The following TBC1D22A variants were observed in gnomAD, a reference collection of about 807,000 sequenced individuals.
TBC1D22A encodes TBC1 domain family member 22A.
TBC1D22A carries 38 observed loss-of-function variants against 60.2 expected under a neutral mutation model. The ratio of observed to expected loss-of-function variants is 0.63; its 90% CI spans 0.49 to 0.83. The LOEUF (loss-of-function observed/expected upper bound fraction) is 0.83, where lower values mean the gene tolerates loss of function less well. TBC1D22A is among the 40% of genes least tolerant of loss of function. The pLI is 0.00. For synonymous variants in TBC1D22A, 302 were observed against 281.7 expected, an observed-to-expected ratio of 1.07 and a Z score of -0.72; for missense variants, 628 against 701.0, an observed-to-expected ratio of 0.90 and a Z score of 1.18.
At chr22:47,103,228 G>A (rs56665606) in intron 11 of TBC1D22A, among the ~76,000 whole-genome samples, 1 of 152,156 alleles carries the variant, frequency 6.6e-6, no homozygotes, top group Admixed American at 6.5e-5. Context: ...GCTGGGATTA[G>A]AATGAAGAAG....
chr22:46,945,348 C>T (rs975263730), intron 8 of TBC1D22A, among the ~76,000 whole-genome samples: 7 of 152,166 alleles, frequency 4.6e-5, no homozygotes, highest in Middle Eastern at 3.2e-3. Flanking sequence ...GCCTGTTTGA[C>T]CGTTGTGGTG....
At chr22:46,911,566 C>T (rs1348036195) in intron 7 of TBC1D22A, among the ~76,000 whole-genome samples, 1 of 152,176 alleles carries the variant, frequency 6.6e-6, no homozygotes, top group African/African-American at 2.4e-5. Context: ...CCAGGGGCTG[C>T]TGAAGTGCTG....
chr22:46,812,976 G>A (rs1209823198), intron 4 of TBC1D22A, among the ~76,000 whole-genome samples: 1 of 151,986 alleles, frequency 6.6e-6, no homozygotes, highest in Non-Finnish European at 1.5e-5. Flanking sequence ...TGTCGTGTCC[G>A]GAGCTGTCCG....
chr22:46,973,154 G>C (rs1198770163), intron 8 of TBC1D22A, among the ~76,000 whole-genome samples: 1 of 152,232 alleles, frequency 6.6e-6, no homozygotes, highest in Non-Finnish European at 1.5e-5. Flanking sequence ...AGCGCGATGG[G>C]ATAGGACTGT....
At chr22:47,029,208 C>T (rs796713681) in intron 10 of TBC1D22A, among the ~76,000 whole-genome samples, 34 of 139,572 alleles carry the variant, frequency 2.4e-4, no homozygotes, top group African/African-American at 8.4e-4. Flanking sequence ...GGGGACACAG[C>T]GCTTCCATAC....
At chr22:46,911,386 A>T (rs575445254) in intron 7 of TBC1D22A, among the ~76,000 whole-genome samples, 1 of 152,144 alleles carries the variant, frequency 6.6e-6, no homozygotes, top group Non-Finnish European at 1.5e-5. Context: ...AATTTAGAGC[A>T]TCCACCCACC....
At chr22:47,105,815 C>A (rs2065614360) in intron 11 of TBC1D22A, among the ~76,000 whole-genome samples, 1 of 151,862 alleles carries the variant, frequency 6.6e-6, no homozygotes, top group South Asian at 2.1e-4. Flanking sequence ...TTCTAAGGAG[C>A]ATAATGACAG....
At chr22:47,164,636 A>G (rs1477475118) in intron 12 of TBC1D22A, among the ~76,000 whole-genome samples, 1 of 152,222 alleles carries the variant, frequency 6.6e-6, no homozygotes. Flanking sequence ...TTCCCAGCCC[A>G]AATGGAGACA....
At position 46,821,716 on chromosome 22, in the gene TBC1D22A, C is replaced by T. The variant is rs189017308; in HGVS notation, c.637+24096C>T. On this transcript the variant is annotated intron_variant, in intron 4 of 12. Transcript: ENST00000337137. ...GAGAATTTGATGATTATGTGTCTTGCGGTTGATCTTCTTGTGGAGTATCTT... is the reference window on the plus strand; with the variant it reads ...GAGAATTTGATGATTATGTGTCTTGTGGTTGATCTTCTTGTGGAGTATCTT... Among the ~76,000 whole-genome samples the T allele has an allele frequency of 8.5e-4, 129 of 152,112 alleles. 1 individual carries two copies. The highest frequency in any genetic ancestry group is 1.5e-3 in the Non-Finnish European group (103 of 67,996).
intron 12 of TBC1D22A, among the ~76,000 whole-genome samples, chr22:47,118,513 A>G (rs966003574): frequency 1.3e-5 from 2 of 152,264 alleles, no homozygotes; most frequent in Non-Finnish European, 2.9e-5. Context: ...CAAAGATGCA[A>G]TGCTTTTATT....
intron 7 of TBC1D22A, among the ~76,000 whole-genome samples, chr22:46,898,532 C>T (rs1602370980): frequency 1.3e-5 from 1 of 76,154 alleles, no homozygotes; most frequent in East Asian, 3.5e-4. Context: ...AGTGAATCTG[C>T]ATTTTTTTTT....
intron 10 of TBC1D22A, among the ~76,000 whole-genome samples, chr22:47,005,612 CACAT>C (rs1381742168): frequency 4.3e-5 from 5 of 116,386 alleles, no homozygotes; most frequent in Non-Finnish European, 6.7e-5. Context: ...TCTGTATACT[CACAT>C]ACCCCCTACA....
chr22:47,097,475 G>A (rs576709778), intron 11 of TBC1D22A, among the ~76,000 whole-genome samples: 235 of 152,126 alleles, frequency 1.5e-3, no homozygotes, highest in Middle Eastern at 6.8e-3. Flanking sequence ...TTAGCCGGGC[G>A]TGGTGGTGGG....
At chr22:47,034,088 A>G (rs781054808) in intron 10 of TBC1D22A, among the ~76,000 whole-genome samples, 1 of 152,138 alleles carries the variant, frequency 6.6e-6, no homozygotes, top group Non-Finnish European at 1.5e-5. Context: ...TACTTATTAG[A>G]GACTATGGGA....
chr22:46,970,271 C>T (rs1013926254), intron 8 of TBC1D22A, among the ~76,000 whole-genome samples: 1 of 152,174 alleles, frequency 6.6e-6, no homozygotes, highest in African/African-American at 2.4e-5. Flanking sequence ...CATTAGGCCC[C>T]ACCCTCCGTT....
chr22:47,032,438 G>A (rs1420905321), intron 10 of TBC1D22A, among the ~76,000 whole-genome samples: 2 of 152,260 alleles, frequency 1.3e-5, no homozygotes, highest in Non-Finnish European at 2.9e-5. Flanking sequence ...GGCCCTGTGA[G>A]TGCTTGGTTG....
intron 1 of TBC1D22A, among the ~76,000 whole-genome samples, chr22:46,790,799 G>A (rs1216033050): frequency 6.6e-6 from 1 of 152,196 alleles, no homozygotes; most frequent in Non-Finnish European, 1.5e-5. Flanking sequence ...TGGACCAGTG[G>A]CCTTTTTAAT....
At chr22:47,103,745 T>A (rs2065509066) in intron 11 of TBC1D22A, among the ~76,000 whole-genome samples, 2 of 152,086 alleles carry the variant, frequency 1.3e-5, no homozygotes. Flanking sequence ...TATGTTTTAA[T>A]GGGTATTGAG....
At chr22:47,005,961 T>C (rs933100090) in intron 10 of TBC1D22A, among the ~76,000 whole-genome samples, 2 of 151,552 alleles carry the variant, frequency 1.3e-5, no homozygotes, top group African/African-American at 2.4e-5. Context: ...CCCCTACACA[T>C]GCCTATACAC....
Sources: gnomAD v4.1 joint callset for allele counts (sites outside exome capture counted in the v4.1 genomes callset) on GRCh38, gnomAD v4.1.1 for gene constraint, MANE v1.5 for transcripts, NCBI Gene and HGNC (gene_info 2026-07-23, HGNC 2026-07-21) for gene names.